Variants in CMAS observed in about 807,000 individuals in gnomAD.
The protein encoded by CMAS is cytidine monophosphate N-acetylneuraminic acid synthetase.
Under a neutral mutation model 53.4 loss-of-function variants are expected in CMAS, and 21 were observed. The observed-to-expected ratio is 0.39, with a 90% confidence interval of 0.28 to 0.57. The LOEUF (loss-of-function observed/expected upper bound fraction) is 0.57, where lower values mean the gene tolerates loss of function less well. Among genes scored for constraint, CMAS ranks in the 20% least tolerant of loss-of-function variants. The pLI is 0.56. For missense variants in CMAS, 384 were observed against 534.9 expected (o/e 0.72, Z 2.78); for synonymous variants, 189 against 195.2 (o/e 0.97, Z 0.27).
chr12:22,055,385 A>G, intron 2 of CMAS, 70 bp from the exon 3 acceptor site: 3 of 1,486,870 alleles, frequency 2.0e-6, no homozygotes, highest in Admixed American at 4.9e-5. Flanking sequence ...TGAATTCCAA[A>G]CCTTAATATT....
intron 1 of CMAS, among the ~76,000 whole-genome samples, chr12:22,051,951 C>T (rs545615981): frequency 3.3e-5 from 5 of 152,074 alleles, no homozygotes; most frequent in African/African-American, 7.2e-5. Context: ...TATTACTTAC[C>T]TCCATTTTAC....
At chr12:22,055,067 G>A in intron 1 of CMAS, 82 bp from the exon 2 acceptor site, 1 of 1,010,380 alleles carries the variant, frequency 9.9e-7, no homozygotes, top group Admixed American at 2.8e-5. Flanking sequence ...TATATAAGCT[G>A]TATTTTATGG....
chr12:22,047,849 G>A (rs1157864134), intron 1 of CMAS, among the ~76,000 whole-genome samples: 3 of 152,056 alleles, frequency 2.0e-5, no homozygotes, highest in Non-Finnish European at 4.4e-5. Context: ...TCTTAGAAAG[G>A]GTACAAACTA....
At position 22,056,234 on chromosome 12, in the gene CMAS, T is replaced by G. The variant is rs78299998; in HGVS notation, c.559+624T>G. ...AAAGGTCATTTCCTCTAATTTAACA[T>G]ATTTTTGATAGCTATTTGAAAGTCC... is the stretch of plus-strand genomic sequence containing the variant. On this transcript the variant is annotated intron_variant, in intron 3 of 7. Coordinates refer to ENST00000229329, the MANE Select transcript of CMAS (RefSeq NM_018686.6). 3.5e-3 allele frequency among the ~76,000 whole-genome samples: 536 copies of G among 152,344 alleles called. 20 individuals carry two copies. The East Asian group carries it at 0.087, about 25-fold the overall frequency.
rs1449649195 is a variant in CMAS, at chr12:22,065,519, T to TAAGA, written c.*210_*213dup. ...TTCTCAGATTTTTAGTAAATGCAAGTAAGAACATCATCAAAGTTCACTTTG... is the reference window on the plus strand; with the variant it reads ...TTCTCAGATTTTTAGTAAATGCAAGTAAGAAAGAACATCATCAAAGTTCACTTTG... On this transcript the variant is annotated 3_prime_UTR_variant, in exon 8 of 8. Coordinates refer to ENST00000229329, the MANE Select transcript of CMAS (RefSeq NM_018686.6). The TAAGA allele has an allele frequency of 2.0e-6, 1 of 498,156 alleles. No homozygotes were observed. Among genetic ancestry groups the TAAGA allele is most frequent in the Non-Finnish European group, 3.6e-6 (1 of 276,350 alleles). 30.9% of individuals were successfully genotyped at this position (498,156 alleles called of 1,614,324 possible). A position where few individuals can be genotyped will look rare whatever the true frequency, so the allele number is the denominator to read the frequency against.
At chr12:22,049,035 C>G (rs879826464) in intron 1 of CMAS, among the ~76,000 whole-genome samples, 1 of 152,156 alleles carries the variant, frequency 6.6e-6, no homozygotes. Context: ...TACAATCTGT[C>G]CTTAACACTT....
At chr12:22,060,777 GAT>G (rs1459126308) in intron 4 of CMAS, 53 bp from the exon 5 acceptor site, 3 of 972,024 alleles carry the variant, frequency 3.1e-6, no homozygotes, top group African/African-American at 3.2e-5. Context: ...ATAAAGTTTT[GAT>G]ATATGTGAAT....
rs568573569 is a variant in CMAS at position 22,061,536 on chromosome 12, T to A, written c.960+84T>A. 26 of 939,684 alleles carry A rather than the reference T, an allele frequency of 2.8e-5. No homozygotes were observed. In the East Asian group the frequency reaches 6.8e-4, roughly 25 times the overall value. 58.2% of individuals were successfully genotyped at this position (939,684 alleles called of 1,614,324 possible). A position where few individuals can be genotyped will look rare whatever the true frequency, so the allele number is the denominator to read the frequency against. The stretch of plus-strand genomic sequence containing the variant: ...ATGCAAGGAATTAAGAGATTTAAAT[T>A]TTTAGTATTAACTCTTAAAATATCT... On this transcript the variant is annotated intron_variant, in intron 6 of 7. Coordinates refer to ENST00000229329, the MANE Select transcript of CMAS (RefSeq NM_018686.6).
chr12:22,055,715 G>T, intron 3 of CMAS, 105 bp downstream of exon 3: 2 of 923,978 alleles, frequency 2.2e-6, no homozygotes, highest in Non-Finnish European at 3.3e-6. Context: ...AGCTGTAAAA[G>T]AGAGTATTTG....
chr12:22,052,845 T>C (rs1229939987), intron 1 of CMAS, among the ~76,000 whole-genome samples: 2 of 152,174 alleles, frequency 1.3e-5, no homozygotes, highest in Non-Finnish European at 2.9e-5. Flanking sequence ...TAGGCTTTCT[T>C]TGATTATTTT....
intron 3 of CMAS, among the ~76,000 whole-genome samples, chr12:22,057,699 CATA>C (rs1950277089): frequency 1.3e-5 from 2 of 152,154 alleles, no homozygotes; most frequent in Admixed American, 1.3e-4. Context: ...CCTCCCAAAG[CATA>C]ATATTTGTAT....
At chr12:22,060,979 T>A in intron 5 of CMAS, 53 bp downstream of exon 5, 1 of 1,069,584 alleles carries the variant, frequency 9.3e-7, no homozygotes, top group Non-Finnish European at 1.4e-6. Flanking sequence ...ATAATTATAT[T>A]TCTAGATACT....
At chr12:22,046,592 G>A in intron 1 of CMAS, 29 bp downstream of exon 1, 1 of 1,498,914 alleles carries the variant, frequency 6.7e-7, no homozygotes, top group East Asian at 2.7e-5. Flanking sequence ...GGGCGGCGCG[G>A]CCTGGGCGGG....
At chr12:22,049,726 G>A (rs572475279) in intron 1 of CMAS, among the ~76,000 whole-genome samples, 3 of 152,170 alleles carry the variant, frequency 2.0e-5, no homozygotes, top group Non-Finnish European at 2.9e-5. Flanking sequence ...CCAACATGGC[G>A]AAACCCCATC....
chr12:22,058,580 C>T lies in CMAS; in HGVS notation c.573C>T (p.Thr191=), dbSNP rs147610461. Reference sequence around the variant, plus strand: ...TTTTGCTTTTAGTTCGTGAAGTGACCGAACCTCTGAATTTAAATCCAGCTA... The same window carrying T: ...TTTTGCTTTTAGTTCGTGAAGTGACTGAACCTCTGAATTTAAATCCAGCTA... ...SEIQKGVREV[T]EPLNLNPAKR... The change falls in exon 4 of 8, where the codon ACC becomes ACT. Residue 191 remains threonine (T), a synonymous_variant. Transcript: ENST00000229329. The T allele has an allele frequency of 8.2e-5, 132 of 1,612,604 alleles. 1 individual carries two copies. Among genetic ancestry groups the T allele is most frequent in the South Asian group, 2.1e-4 (19 of 90,824 alleles).
chr12:22,063,514 TAGAA>T (rs1339901167), intron 7 of CMAS, among the ~76,000 whole-genome samples: 12 of 152,030 alleles, frequency 7.9e-5, no homozygotes, highest in East Asian at 1.9e-4. Flanking sequence ...ATAAAGCCAT[TAGAA>T]AGAAAAACAA....
intron 4 of CMAS, among the ~76,000 whole-genome samples, chr12:22,059,553 G>A (rs544727072): frequency 1.5e-3 from 227 of 152,130 alleles, no homozygotes; most frequent in African/African-American, 4.9e-3. Context: ...AAGAAATAGC[G>A]GTTTTAAAGA....
At chr12:22,049,920 A>AAT (rs1555140318) in intron 1 of CMAS, among the ~76,000 whole-genome samples, 23 of 101,294 alleles carry the variant, frequency 2.3e-4, no homozygotes, top group African/African-American at 6.7e-4. Flanking sequence ...AAAAAAAAAA[A>AAT]TTTTTTTTCT....
intron 3 of CMAS, among the ~76,000 whole-genome samples, chr12:22,056,562 C>A (rs909852047): frequency 1.3e-5 from 2 of 152,194 alleles, no homozygotes; most frequent in African/African-American, 4.8e-5. Flanking sequence ...CTGACACTCA[C>A]ACCCATACCC....
Sources: allele counts gnomAD v4.1 joint callset (sites outside exome capture counted in the v4.1 genomes callset), GRCh38; gene constraint gnomAD v4.1.1; transcripts MANE v1.5; gene names NCBI Gene and HGNC (gene_info 2026-07-23, HGNC 2026-07-21).